Variants in AGBL4 observed in about 807,000 individuals in gnomAD.
The protein encoded by AGBL4 is AGBL carboxypeptidase 4.
In AGBL4, 58 loss-of-function variants were observed where a neutral mutation model predicts 66.4. The observed-to-expected ratio is 0.87, with a 90% CI of 0.71 to 1.09. AGBL4 has a LOEUF of 1.09. Ranked by LOEUF, AGBL4 falls within the 50% of genes least tolerant of loss-of-function variation. The pLI is 0.00. For missense variants in AGBL4, 579 were observed against 631.0 expected (o/e 0.92, Z 0.88); for synonymous variants, 234 against 222.9 (o/e 1.05, Z -0.44).
intron 3 of AGBL4, among the ~76,000 whole-genome samples, chr1:49,601,171 G>T (rs1644951120): frequency 6.6e-6 from 1 of 151,994 alleles, no homozygotes; most frequent in Admixed American, 6.6e-5. Flanking sequence ...TTGAATTTTG[G>T]ACTGTCTTGC....
At chr1:49,521,280 C>CA (rs1421570478) in intron 3 of AGBL4, among the ~76,000 whole-genome samples, 1 of 151,850 alleles carries the variant, frequency 6.6e-6, no homozygotes, top group Non-Finnish European at 1.5e-5. Flanking sequence ...TCATATGGTA[C>CA]AAAAAAGAGC....
chr1:48,539,531 C>T (rs1204966600), intron 12 of AGBL4, 111 bp downstream of exon 12: 1 of 801,478 alleles, frequency 1.2e-6, no homozygotes, highest in East Asian at 3.1e-5. Context: ...GATTATCTTT[C>T]CTGCGGCACA....
chr1:49,380,958 C>A (rs1644591540), intron 3 of AGBL4, among the ~76,000 whole-genome samples: 1 of 152,110 alleles, frequency 6.6e-6, no homozygotes, highest in Non-Finnish European at 1.5e-5. Context: ...GTCTAAAACA[C>A]CAAAAGCAAT....
At chr1:49,179,081 C>T (rs1056971016) in intron 4 of AGBL4, among the ~76,000 whole-genome samples, 2 of 152,144 alleles carry the variant, frequency 1.3e-5, no homozygotes, top group Non-Finnish European at 2.9e-5. Context: ...TTGAGGCTTT[C>T]ATTATTATTT....
chr1:48,831,335 C>G (rs1298944903), intron 6 of AGBL4, among the ~76,000 whole-genome samples: 2 of 152,164 alleles, frequency 1.3e-5, no homozygotes, highest in Admixed American at 1.3e-4. Context: ...GGGCCCAGAA[C>G]AAGGTTCCAT....
intron 2 of AGBL4, chr1:49,842,347 A>G: frequency 1.8e-6 from 1 of 560,884 alleles, no homozygotes; most frequent in East Asian, 6.6e-5. Flanking sequence ...AGGCAGAGCC[A>G]TGGGCGGTGG....
chr1:49,834,764 A>G (rs1359652444), intron 2 of AGBL4, among the ~76,000 whole-genome samples: 1 of 152,160 alleles, frequency 6.6e-6, no homozygotes, highest in East Asian at 1.9e-4. Context: ...AGATTCTGGT[A>G]CATTATCTCT....
intron 6 of AGBL4, among the ~76,000 whole-genome samples, chr1:48,845,799 G>T (rs907024280): frequency 6.6e-6 from 1 of 152,180 alleles, no homozygotes; most frequent in Non-Finnish European, 1.5e-5. Context: ...CTTTGGGCAA[G>T]TTATTTGCTC....
intron 6 of AGBL4, among the ~76,000 whole-genome samples, chr1:48,687,456 C>T (rs903937255): frequency 4.6e-5 from 7 of 152,278 alleles, no homozygotes; most frequent in South Asian, 2.1e-4. Flanking sequence ...CACAGGCTGA[C>T]GCAGGGAGGC....
downstream of AGBL4, among the ~76,000 whole-genome samples, chr1:48,531,620 G>A (rs781638660): frequency 6.6e-6 from 1 of 152,132 alleles, no homozygotes; most frequent in East Asian, 1.9e-4. Context: ...CCTGGATTTG[G>A]TTATTACCTC....
intron 1 of AGBL4, among the ~76,000 whole-genome samples, chr1:49,915,750 C>G (rs866675629): frequency 6.6e-6 from 1 of 152,146 alleles, no homozygotes; most frequent in African/African-American, 2.4e-5. Context: ...GTTCTCCCAG[C>G]AAGGAGTCTG....
chr1:49,055,306 T>A (rs1282547362), intron 4 of AGBL4, among the ~76,000 whole-genome samples: 1 of 151,986 alleles, frequency 6.6e-6, no homozygotes, highest in Non-Finnish European at 1.5e-5. Flanking sequence ...AAAAATTTCC[T>A]GAAGGGAGCA....
chr1:48,987,932 T>C (rs980180267), intron 5 of AGBL4, among the ~76,000 whole-genome samples: 1 of 152,158 alleles, frequency 6.6e-6, no homozygotes, highest in African/African-American at 2.4e-5. Flanking sequence ...GTTTTTCTCA[T>C]GCTGGGCACT....
chr1:49,461,374 G>A (rs938402401), intron 3 of AGBL4, among the ~76,000 whole-genome samples: 2 of 150,822 alleles, frequency 1.3e-5, no homozygotes, highest in African/African-American at 4.9e-5. Context: ...TCTTCTGCTT[G>A]TATGATTCTA....
chr1:48,670,413 G>A (rs1646258779), intron 6 of AGBL4, among the ~76,000 whole-genome samples: 1 of 152,238 alleles, frequency 6.6e-6, no homozygotes, highest in African/African-American at 2.4e-5. Context: ...GGCTGCCTGG[G>A]GCAATGGCCA....
chr1:49,987,094 A>G (rs997082019), intron 1 of AGBL4, among the ~76,000 whole-genome samples: 2 of 152,026 alleles, frequency 1.3e-5, no homozygotes, highest in African/African-American at 4.8e-5. Flanking sequence ...CTCAAGGGAA[A>G]AAAACAGATC....
chr1:49,785,871 T>A (rs975529487), intron 2 of AGBL4, among the ~76,000 whole-genome samples: 1 of 126,200 alleles, frequency 7.9e-6, no homozygotes, highest in Non-Finnish European at 1.6e-5. Flanking sequence ...TCAGAGTACA[T>A]GAGAAATCCC....
chr1:49,671,170 C>T lies in AGBL4; in HGVS notation c.282+26143G>A, dbSNP rs1394429683. On this transcript the variant is annotated intron_variant, in intron 3 of 13. Transcript: ENST00000371839. ...GGCCTATGGAACAGAATAGAGAGCC[C>T]GGAAATAAAGCCTCACATGACCATC... Among the ~76,000 whole-genome samples the T allele has an allele frequency of 2.6e-5, 4 of 151,946 alleles. No homozygotes were observed. The South Asian group carries it at 6.2e-4, about 24-fold the overall frequency.
rs540660041 is a variant in AGBL4 at position 48,943,847 on chromosome 1, G to A, written c.595-76617C>T. Among the ~76,000 whole-genome samples the A allele has an allele frequency of 7.0e-4, 106 of 152,222 alleles. 1 individual carries two copies. In the South Asian group the frequency reaches 0.022, roughly 31 times the overall value. ...GTGGCAGTGGTATGTATACACGTGT[G>A]CGTGGTGTGGTATTAACCCTGCCTG... On this transcript the variant is annotated intron_variant, in intron 5 of 13. Transcript: ENST00000371839.
Sources: allele counts gnomAD v4.1 joint callset (sites outside exome capture counted in the v4.1 genomes callset), GRCh38; gene constraint gnomAD v4.1.1; transcripts MANE v1.5; gene names NCBI Gene and HGNC (gene_info 2026-07-23, HGNC 2026-07-21).